RPL39: variants seen among roughly 807,000 people sequenced by gnomAD.
RPL39 encodes the protein large ribosomal subunit protein eL39.
For missense variants in RPL39, 6 were observed against 37.2 expected (o/e 0.16, Z 2.18); for synonymous variants, 8 against 11.4 (o/e 0.70, Z 0.60).
chrX:119,788,115 G>A (rs940780740), intron 2 of RPL39, among the ~76,000 whole-genome samples: 15 of 111,596 alleles, frequency 1.3e-4, no homozygotes, highest in African/African-American at 2.3e-4. Flanking sequence ...CATTACAATG[G>A]GTGGCAATTT....
chrX:119,790,096 G>T, intron 1 of RPL39, 85 bp from the exon 2 acceptor site: 1 of 569,151 alleles, frequency 1.8e-6, no homozygotes, highest in South Asian at 2.5e-5. Flanking sequence ...ACCAACATTT[G>T]AGTGCTTAAC....
chrX:119,787,122 G>GC (rs919770822), intron 2 of RPL39, among the ~76,000 whole-genome samples: 10 of 110,181 alleles, frequency 9.1e-5, no homozygotes, highest in East Asian at 2.9e-4. Context: ...AGAGTCGCCC[G>GC]CCCCCCCAAC....
At position 119,786,689 on chromosome X, in the gene RPL39, G is replaced by C; in HGVS notation, c.151C>G (p.Leu51Val). 1 of 1,197,347 alleles carries C rather than the reference G, an allele frequency of 8.4e-7. No individual in the cohort carries two copies. Among genetic ancestry groups the C allele is most frequent in the Non-Finnish European group, 1.1e-6 (1 of 883,493 alleles). ...RRHWRRTKLG[L>V] ...GCCATCTCATGTGCAATTCCTTATAGACCCAGCTTGGTTCTTCTCCAATGT... is the reference window on the plus strand; with the variant it reads ...GCCATCTCATGTGCAATTCCTTATACACCCAGCTTGGTTCTTCTCCAATGT... The change falls in exon 3 of 3, where the codon CTA (leucine) becomes GTA (valine). Residue 51 changes from leucine to valine, a missense_variant. Transcript: ENST00000361575.
intron 2 of RPL39, among the ~76,000 whole-genome samples, chrX:119,788,678 C>T (rs1478290715): frequency 1.8e-5 from 2 of 110,925 alleles, no homozygotes; most frequent in Non-Finnish European, 3.8e-5. Context: ...GGGAGGGTTA[C>T]ACCACTGCAC....
chrX:119,787,822 A>G (rs1320577620), intron 2 of RPL39, among the ~76,000 whole-genome samples: 1 of 110,798 alleles, frequency 9.0e-6, no homozygotes, highest in Non-Finnish European at 1.9e-5. Context: ...CAGCTAATTT[A>G]TATTTTTGGT....
At chrX:119,791,348 C>T (rs2055700203) in intron 1 of RPL39, 1 of 306,057 alleles carries the variant, frequency 3.3e-6, no homozygotes, top group Non-Finnish European at 5.9e-6. Context: ...AAAGAGCCCC[C>T]TTGAATCCGC....
At chrX:119,787,739 A>C (rs1161894337) in intron 2 of RPL39, among the ~76,000 whole-genome samples, 1 of 111,048 alleles carries the variant, frequency 9.0e-6, no homozygotes, top group Non-Finnish European at 1.9e-5. Flanking sequence ...CAGCCTGTGA[A>C]TTCCTGGGCT....
chrX:119,787,399 A>G (rs1395626164), intron 2 of RPL39: 1 of 375,169 alleles, frequency 2.7e-6, no homozygotes, highest in Non-Finnish European at 5.2e-6. Context: ...TAAAGGCAAA[A>G]TCAAAAATGA....
intron 2 of RPL39, chrX:119,787,287 T>A: frequency 2.9e-6 from 1 of 340,463 alleles, no homozygotes; most frequent in Non-Finnish European, 5.7e-6. Flanking sequence ...GCACCTGGCC[T>A]CGCATGATCT....
chrX:119,791,477 C>G, intron 1 of RPL39, 97 bp downstream of exon 1: 1 of 815,072 alleles, frequency 1.2e-6, no homozygotes, highest in East Asian at 4.1e-5. Context: ...TTAAAAGGCT[C>G]CCGCCCCTCA....
chrX:119,788,472 G>A (rs35617454), intron 2 of RPL39, among the ~76,000 whole-genome samples: 40,128 of 107,470 alleles, frequency 0.37, 6,114 homozygotes, highest in Non-Finnish European at 0.46. Flanking sequence ...CAGAGGTTGC[G>A]GTAAGCCAAG....
chrX:119,790,935 A>T (rs902363400), intron 1 of RPL39: 1 of 112,357 alleles, frequency 8.9e-6, no homozygotes, highest in Non-Finnish European at 1.9e-5. Context: ...TATCGCCTCC[A>T]TATCTAGAAA....
Position 119,791,623 on chromosome X carries a change from G to C in RPL39, c.-47C>G. 8.7e-7 allele frequency: 1 copy of C among 1,142,954 alleles called. No homozygotes were observed. The highest frequency in any genetic ancestry group is 1.8e-5 in the African/African-American group (1 of 55,441). 94.2% of individuals were successfully genotyped at this position (1,142,954 alleles called of 1,213,427 possible). The stretch of plus-strand genomic sequence containing the variant: ...CACACCACGATGGCGGAGAAAGGAA[G>C]AGGAGGGAAGCTGGCGGAAGAACGA... On this transcript the variant is annotated 5_prime_UTR_variant, in exon 1 of 3. Transcript: ENST00000361575.
chrX:119,790,942 G>A (rs1218820511), intron 1 of RPL39: 1 of 112,788 alleles, frequency 8.9e-6, no homozygotes, highest in Admixed American at 9.6e-5. Context: ...TCCATATCTA[G>A]AAATCAACAT....
At chrX:119,791,219 A>G (rs1322583929) in intron 1 of RPL39, 4 of 222,885 alleles carry the variant, frequency 1.8e-5, no homozygotes, top group African/African-American at 5.8e-5. Context: ...CGGGCAGCCC[A>G]CAGTCAGGCC....
chrX:119,789,688 TAAG>T lies in RPL39; in HGVS notation c.107+217_107+219del, dbSNP rs1440522223. ...AGACTGAAGATGACCAGGAAATTAA[TAAG>T]TATTGGAGAATTATCTGCCCATAAG... On this transcript the variant is annotated intron_variant, in intron 2 of 2. Transcript: ENST00000361575. Among the ~76,000 whole-genome samples the T allele has an allele frequency of 8.9e-5, 10 of 112,843 alleles. No homozygotes were observed. The South Asian group carries it at 2.5e-3, about 28-fold the overall frequency.
rs1255157359 is a variant in RPL39 at position 119,791,580 on chromosome X, G to C, written c.-4C>G. Reference sequence around the variant, plus strand: ...TGGGGGCCGATGGACTTACCATGGCGAGCAGCGGAGTCAAGAACACACCAC... The same window carrying C: ...TGGGGGCCGATGGACTTACCATGGCCAGCAGCGGAGTCAAGAACACACCAC... On this transcript the variant is annotated 5_prime_UTR_variant, in exon 1 of 3. Transcript: ENST00000361575. 1.7e-6 allele frequency: 2 copies of C among 1,173,959 alleles called. No homozygotes were observed.
chrX:119,789,835 C>T (rs1395055695), intron 2 of RPL39, 73 bp downstream of exon 2: 1 of 575,067 alleles, frequency 1.7e-6, no homozygotes, highest in African/African-American at 2.3e-5. Context: ...TATTTATACT[C>T]AAAAAGTAAC....
intron 2 of RPL39, chrX:119,787,573 C>G (rs1303215483): frequency 1.3e-5 from 4 of 303,301 alleles, no homozygotes; most frequent in Admixed American, 3.5e-5. Flanking sequence ...TATAATCTTA[C>G]GTACAAAATA....
Sources: gnomAD v4.1 joint callset for allele counts (sites outside exome capture counted in the v4.1 genomes callset) on GRCh38, gnomAD v4.1.1 for gene constraint, MANE v1.5 for transcripts, NCBI Gene and HGNC (gene_info 2026-07-23, HGNC 2026-07-21) for gene names.